The following SLC25A26 variants were observed in gnomAD, a reference collection of about 807,000 sequenced individuals.
SLC25A26 encodes the protein solute carrier family 25 member 26.
In SLC25A26, 36 loss-of-function variants were observed where a neutral mutation model predicts 37.8. That is an observed-to-expected ratio of 0.95 (90% CI 0.73 to 1.26). SLC25A26 has a LOEUF of 1.26. Among genes scored for constraint, SLC25A26 ranks in the 50% most tolerant of loss-of-function variants. SLC25A26 has a pLI of 0.00. For synonymous variants in SLC25A26, 129 were observed against 122.5 expected (o/e 1.05, Z -0.35); for missense variants, 390 against 331.1 (o/e 1.18, Z -1.38).
At chr3:66,154,501 T>C (rs1464097422) in intron 1 of SLC25A26, among the ~76,000 whole-genome samples, 1 of 151,878 alleles carries the variant, frequency 6.6e-6, no homozygotes, top group Non-Finnish European at 1.5e-5. Context: ...TGCCTTTCAA[T>C]TCTGGCTCTG....
chr3:66,365,010 G>C (rs2076795072), intron 7 of SLC25A26, among the ~76,000 whole-genome samples: 2 of 152,142 alleles, frequency 1.3e-5, no homozygotes, highest in African/African-American at 4.8e-5. Context: ...TCCAGAGGAG[G>C]TTACTATTTT....
intron 5 of SLC25A26, chr3:66,323,937 G>C (rs35194799): frequency 0.3 from 45,029 of 152,084 alleles, 7,422 homozygotes; most frequent in East Asian, 0.7. Context: ...GGAGGTCTGG[G>C]CTGTAGAGCA....
chr3:66,164,425 G>C (rs1041030852), intron 1 of SLC25A26, among the ~76,000 whole-genome samples: 5 of 151,964 alleles, frequency 3.3e-5, no homozygotes, highest in African/African-American at 1.2e-4. Context: ...AGGCATAAGG[G>C]ATCTCTTCTG....
At chr3:66,293,054 A>G (rs1242689583) in intron 5 of SLC25A26, 1 of 151,692 alleles carries the variant, frequency 6.6e-6, no homozygotes, top group Non-Finnish European at 1.5e-5. Flanking sequence ...AGTCTCTGAT[A>G]TCCTTTCTTC....
intron 5 of SLC25A26, among the ~76,000 whole-genome samples, chr3:66,275,785 C>T (rs2074121453): frequency 1.3e-5 from 2 of 152,000 alleles, no homozygotes; most frequent in Non-Finnish European, 2.9e-5. Flanking sequence ...GTTACAGTTA[C>T]TCCTGTAACT....
intron 1 of SLC25A26, among the ~76,000 whole-genome samples, chr3:66,137,157 C>T (rs901538461): frequency 6.6e-6 from 1 of 151,656 alleles, no homozygotes; most frequent in East Asian, 1.9e-4. Flanking sequence ...CATGAGAAAT[C>T]ACCATCTATG....
chr3:66,180,822 G>A (rs1018782233), intron 1 of SLC25A26, among the ~76,000 whole-genome samples: 2 of 152,162 alleles, frequency 1.3e-5, no homozygotes, highest in Non-Finnish European at 2.9e-5. Context: ...TTCATGTGTT[G>A]AAGCCCTAAC....
At chr3:66,142,379 AC>A (rs1420272536) in intron 1 of SLC25A26, among the ~76,000 whole-genome samples, 1 of 152,216 alleles carries the variant, frequency 6.6e-6, no homozygotes, top group Non-Finnish European at 1.5e-5. Flanking sequence ...GCATTTGAGA[AC>A]ACTGCAGAAG....
chr3:66,168,200 T>TACACAC (rs562006470), intron 1 of SLC25A26, among the ~76,000 whole-genome samples: 36,255 of 112,104 alleles, frequency 0.32, 5,909 homozygotes, highest in Non-Finnish European at 0.42. Context: ...TATATATATA[T>TACACAC]ACACACACAC....
At chr3:66,367,933 A>G (rs2076861321) in intron 7 of SLC25A26, among the ~76,000 whole-genome samples, 1 of 152,188 alleles carries the variant, frequency 6.6e-6, no homozygotes, top group South Asian at 2.1e-4. Flanking sequence ...AAATGGCTAA[A>G]CCCAAGGGGA....
At chr3:66,150,603 GATATATATATATATATAT>G (rs1169750069) in intron 1 of SLC25A26, among the ~76,000 whole-genome samples, 1,460 of 26,088 alleles carry the variant, frequency 0.056, 38 homozygotes, top group East Asian at 0.091. Context: ...TATGTAATGA[GATATATATATATATATAT>G]ATATATATAT....
At chr3:66,248,621 CTG>C (rs1576709920) in intron 3 of SLC25A26, among the ~76,000 whole-genome samples, 1 of 152,304 alleles carries the variant, frequency 6.6e-6, no homozygotes, top group East Asian at 1.9e-4. Context: ...AGCAGCAACA[CTG>C]TGAATGTAAT....
At chr3:66,238,572 G>A (rs972729851) in intron 2 of SLC25A26, among the ~76,000 whole-genome samples, 2 of 151,838 alleles carry the variant, frequency 1.3e-5, no homozygotes, top group African/African-American at 2.4e-5. Context: ...TAGTAGAGAC[G>A]GGGTTTCACC....
intron 1 of SLC25A26, among the ~76,000 whole-genome samples, chr3:66,165,621 C>T (rs1055096527): frequency 1.3e-5 from 2 of 152,168 alleles, no homozygotes; most frequent in South Asian, 2.1e-4. Context: ...TAACTCACTT[C>T]TTTGGACATC....
intron 5 of SLC25A26, among the ~76,000 whole-genome samples, chr3:66,290,782 T>C (rs1326013466): frequency 6.6e-6 from 1 of 152,200 alleles, no homozygotes; most frequent in Admixed American, 6.5e-5. Flanking sequence ...TTTCTTTTTT[T>C]GTTGTGTCTC....
At chr3:66,165,268 A>G (rs2070410132) in intron 1 of SLC25A26, among the ~76,000 whole-genome samples, 1 of 152,194 alleles carries the variant, frequency 6.6e-6, no homozygotes, top group Non-Finnish European at 1.5e-5. Context: ...CTTTCAGTTG[A>G]CTGCAATGCT....
At chr3:66,368,890 C>T (rs1052590930) in intron 7 of SLC25A26, among the ~76,000 whole-genome samples, 1 of 151,870 alleles carries the variant, frequency 6.6e-6, no homozygotes, top group African/African-American at 2.4e-5. Context: ...TGGTGGTGCG[C>T]AGCTGTAGTC....
chr3:66,190,843 T>G (rs1464335962), intron 1 of SLC25A26, among the ~76,000 whole-genome samples: 3 of 152,236 alleles, frequency 2.0e-5, no homozygotes, highest in Non-Finnish European at 4.4e-5. Flanking sequence ...TTGAGGACAG[T>G]GTGTAAATAT....
At chr3:66,344,871 A>G (rs765509592) in intron 5 of SLC25A26, among the ~76,000 whole-genome samples, 1 of 152,192 alleles carries the variant, frequency 6.6e-6, no homozygotes, top group Non-Finnish European at 1.5e-5. Context: ...GTAGTTAGAC[A>G]AGACTCTAGA....
Sources: gnomAD v4.1 joint callset for allele counts (sites outside exome capture counted in the v4.1 genomes callset) on GRCh38, gnomAD v4.1.1 for gene constraint, MANE v1.5 for transcripts, NCBI Gene and HGNC (gene_info 2026-07-23, HGNC 2026-07-21) for gene names.